Variants in WDTC1 observed in about 807,000 individuals in gnomAD.
The protein encoded by WDTC1 is WD and tetratricopeptide repeats protein 1.
A neutral mutation model predicts 76.0 loss-of-function variants in WDTC1; 12 were observed. The observed-to-expected ratio is 0.16, with a 90% CI of 0.10 to 0.26. WDTC1 has a LOEUF of 0.26. Among genes scored for constraint, WDTC1 ranks in the 10% least tolerant of loss-of-function variants. The probability of loss-of-function intolerance (pLI) is 1.00; values close to 1 mark genes in which losing one functional copy is unlikely to be tolerated. For missense variants in WDTC1, 511 were observed against 908.8 expected, an observed-to-expected ratio of 0.56 and a Z score of 5.63; for synonymous variants, 326 against 350.8, an observed-to-expected ratio of 0.93 and a Z score of 0.79.
chr1:27,298,254 G>A, intron 12 of WDTC1, 143 bp downstream of exon 12: 1 of 1,035,970 alleles, frequency 9.7e-7, no homozygotes, highest in Non-Finnish European at 1.3e-6. Flanking sequence ...GGGCTTCTTG[G>A]CCTCTCCTCC....
In WDTC1 at chr1:27,248,538, GGATATTAGACCTTTGTCA is replaced by G. The variant is rs375155704; in HGVS notation, c.-99-12414_-99-12397del. 3.9e-3 allele frequency among the ~76,000 whole-genome samples: 593 copies of G among 152,086 alleles called. 5 individuals carry two copies. The highest frequency in any genetic ancestry group is 0.014 in the African/African-American group (570 of 41,504). On this transcript the variant is annotated intron_variant, in intron 1 of 15. Transcript: ENST00000319394. ...TTTGTTTAAGTTCCTTATAGATGCT[GGATATTAGACCTTTGTCA>G]GATGCATAGTTTGCAAGTATTTTCT...
At chr1:27,295,885 C>A (rs1434253025) in intron 9 of WDTC1, among the ~76,000 whole-genome samples, 1 of 152,128 alleles carries the variant, frequency 6.6e-6, no homozygotes, top group Non-Finnish European at 1.5e-5. Context: ...CCCACCTCAG[C>A]CTCCTGAGTA....
rs116001200 is a variant in WDTC1 at position 27,302,050 on chromosome 1, C to T, written c.1468+589C>T. Among the ~76,000 whole-genome samples, 1,138 of 152,260 alleles carry T rather than the reference C, an allele frequency of 7.5e-3. 17 individuals are homozygous for T. Among genetic ancestry groups the T allele is most frequent in the African/African-American group, 0.024 (979 of 41,542 alleles). ...TCAGTGTGCTGGAGAATGAACTGGG[C>T]CATCGGAGTGTGGTCTGTAAACGTG... is the stretch of plus-strand genomic sequence containing the variant. On this transcript the variant is annotated intron_variant, in intron 13 of 15. Coordinates refer to ENST00000319394, the MANE Select transcript of WDTC1 (RefSeq NM_001276252.2).
intron 3 of WDTC1, among the ~76,000 whole-genome samples, chr1:27,280,472 T>C (rs1295293564): frequency 1.3e-5 from 2 of 152,258 alleles, no homozygotes; most frequent in African/African-American, 4.8e-5. Context: ...AGTATGTGTA[T>C]TGTGAAGCTT....
At chr1:27,297,721 G>A (rs765105222) in intron 11 of WDTC1, among the ~76,000 whole-genome samples, 4 of 152,210 alleles carry the variant, frequency 2.6e-5, no homozygotes, top group Non-Finnish European at 5.9e-5. Context: ...CTGGCTGAGA[G>A]TATTTGGAAT....
At chr1:27,275,628 A>T (rs1477430420) in intron 3 of WDTC1, among the ~76,000 whole-genome samples, 1 of 151,878 alleles carries the variant, frequency 6.6e-6, no homozygotes, top group East Asian at 1.9e-4. Flanking sequence ...AAAAAAAAAA[A>T]AAAAATAAAG....
In WDTC1 at chr1:27,304,721, C is replaced by T. The variant is rs527955900; in HGVS notation, c.1644-280C>T. On this transcript the variant is annotated intron_variant, in intron 14 of 15. Coordinates refer to ENST00000319394, the MANE Select transcript of WDTC1 (RefSeq NM_001276252.2). The stretch of plus-strand genomic sequence containing the variant: ...CTTAAAACAGGGTATTTTGGAGACC[C>T]GAGAGATGATGTAAGATGATCCTGG... 1.3e-4 allele frequency: 39 copies of T among 307,060 alleles called. No homozygotes were observed. In the Admixed American group the frequency reaches 1.4e-3, roughly 11 times the overall value. 19.0% of individuals were successfully genotyped at this position (307,060 alleles called of 1,614,324 possible).
intron 1 of WDTC1, among the ~76,000 whole-genome samples, chr1:27,254,939 T>C (rs2012225837): frequency 6.6e-6 from 1 of 152,120 alleles, no homozygotes; most frequent in South Asian, 2.1e-4. Context: ...ATTTGACATT[T>C]TGTTTTTTTT....
chr1:27,284,741 C>G (rs1472797628), intron 5 of WDTC1, among the ~76,000 whole-genome samples: 1 of 151,312 alleles, frequency 6.6e-6, no homozygotes, highest in Non-Finnish European at 1.5e-5. Flanking sequence ...CACTTACATG[C>G]AGACTGTCAG....
chr1:27,253,476 T>C (rs138475508), intron 1 of WDTC1, among the ~76,000 whole-genome samples: 2,574 of 133,748 alleles, frequency 0.019, 44 homozygotes, highest in Non-Finnish European at 0.031. Context: ...CCTCTTCCTC[T>C]TCTTCTCTCT....
intron 3 of WDTC1, among the ~76,000 whole-genome samples, chr1:27,269,363 A>G (rs1013608088): frequency 1.3e-5 from 2 of 150,582 alleles, no homozygotes; most frequent in Non-Finnish European, 3.0e-5. Context: ...AGTACAAAAC[A>G]GTAAATTCGT....
chr1:27,294,307 CAAGGTT>C (rs1320859171), intron 8 of WDTC1, among the ~76,000 whole-genome samples, 191 bp downstream of exon 8: 3 of 152,102 alleles, frequency 2.0e-5, no homozygotes, highest in African/African-American at 7.2e-5. Flanking sequence ...AGAAACTCAT[CAAGGTT>C]AAGTAAAATG....
At chr1:27,249,516 A>C (rs2011964692) in intron 1 of WDTC1, among the ~76,000 whole-genome samples, 1 of 151,826 alleles carries the variant, frequency 6.6e-6, no homozygotes, top group African/African-American at 2.4e-5. Flanking sequence ...GATATACCAC[A>C]TTTTGTTTAT....
At chr1:27,250,303 C>T (rs1376162038) in intron 1 of WDTC1, among the ~76,000 whole-genome samples, 1 of 152,030 alleles carries the variant, frequency 6.6e-6, no homozygotes, top group African/African-American at 2.4e-5. Context: ...TCTCCTGCCT[C>T]AGCCTCCCAA....
At chr1:27,296,200 T>C in intron 9 of WDTC1, 126 bp from the exon 10 acceptor site, 1 of 1,122,012 alleles carries the variant, frequency 8.9e-7, no homozygotes, top group Non-Finnish European at 1.3e-6. Context: ...ATAGCTTGAT[T>C]GTTCTATGCT....
chr1:27,277,682 T>G (rs2013070671), intron 3 of WDTC1, among the ~76,000 whole-genome samples: 1 of 152,218 alleles, frequency 6.6e-6, no homozygotes, highest in Non-Finnish European at 1.5e-5. Flanking sequence ...TTGATCTAAA[T>G]GTCTATTCTT....
At chr1:27,239,255 C>T (rs1263889556) in intron 1 of WDTC1, among the ~76,000 whole-genome samples, 2 of 149,392 alleles carry the variant, frequency 1.3e-5, no homozygotes, top group Non-Finnish European at 3.0e-5. Context: ...CGGTGGCTCA[C>T]ACCTGTAATC....
In WDTC1 at chr1:27,306,106, C is replaced by G; in HGVS notation, c.1837-80C>G. On this transcript the variant is annotated intron_variant, in intron 15 of 15. Coordinates refer to ENST00000319394, the MANE Select transcript of WDTC1 (RefSeq NM_001276252.2). The surrounding 1 kb of genome is among the most constrained non-coding windows in gnomAD (Gnocchi z 5.0). ...TATAGATAGTTTAGTCTGTGTATTTCCCTCCCCCTCCCCTATACGTGTACC... is the reference window on the plus strand; with the variant it reads ...TATAGATAGTTTAGTCTGTGTATTTGCCTCCCCCTCCCCTATACGTGTACC... The G allele has an allele frequency of 4.7e-6, 7 of 1,484,964 alleles. No homozygotes were observed. The highest frequency in any genetic ancestry group is 6.5e-6 in the Non-Finnish European group (7 of 1,073,026). The allele number at this position is 1,484,964 out of a possible 1,614,324, so 92.0% of individuals were successfully genotyped here.
intron 1 of WDTC1, among the ~76,000 whole-genome samples, chr1:27,253,440 T>C (rs1459663031): frequency 3.5e-5 from 4 of 114,538 alleles, no homozygotes; most frequent in Non-Finnish European, 5.1e-5. Flanking sequence ...CTCCTCCTCC[T>C]TCCTCCTCCT....
Sources: allele counts gnomAD v4.1 joint callset (sites outside exome capture counted in the v4.1 genomes callset), GRCh38; gene constraint gnomAD v4.1.1; non-coding constraint Gnocchi (gnomAD v3.1); transcripts MANE v1.5; gene names NCBI Gene and HGNC (gene_info 2026-07-23, HGNC 2026-07-21).